Variants in RBFOX1 observed in about 807,000 individuals in gnomAD.
RBFOX1 encodes the protein RNA binding fox-1 homolog 1.
Under a neutral mutation model 57.7 loss-of-function variants are expected in RBFOX1, and 8 were observed. That is an observed-to-expected ratio of 0.14 (90% confidence interval 0.08 to 0.25). The LOEUF (loss-of-function observed/expected upper bound fraction) is 0.25, where lower values mean the gene tolerates loss of function less well. RBFOX1 is among the 10% of genes least tolerant of loss of function. RBFOX1 has a pLI of 1.00. For missense variants in RBFOX1, 611 were observed against 548.5 expected (o/e 1.11, Z -1.14); for synonymous variants, 326 against 222.4 (o/e 1.47, Z -4.15).
chr16:6,389,741 T>C (rs1053676186), intron 2 of RBFOX1, among the ~76,000 whole-genome samples: 1 of 152,150 alleles, frequency 6.6e-6, no homozygotes. Flanking sequence ...AGCCACCAAA[T>C]AAATCATGGG....
rs187747714 is a variant in RBFOX1 at position 5,595,154 on chromosome 16, C to A, written c.259-3748C>A. On this transcript the variant is annotated intron_variant, in intron 2 of 2. Coordinates refer to the RBFOX1 transcript ENST00000585867. ...GAGCAAGACTCCATCTCAAAAACCA[C>A]AAAAAAACCATGTTTCCCCAAAGAC... 3.6e-3 allele frequency among the ~76,000 whole-genome samples: 549 copies of A among 151,794 alleles called. 5 individuals carry two copies. The highest frequency in any genetic ancestry group is 5.0e-3 in the Non-Finnish European group (340 of 67,928).
intron 2 of RBFOX1, among the ~76,000 whole-genome samples, chr16:5,533,992 C>T (rs1305728658): frequency 1.3e-5 from 2 of 152,120 alleles, no homozygotes; most frequent in Non-Finnish European, 2.9e-5. Context: ...GCTATGTTGC[C>T]AGGGTCAGTG....
At chr16:5,731,551 G>T (rs1297222404) in intron 3 of RBFOX1, among the ~76,000 whole-genome samples, 6 of 152,164 alleles carry the variant, frequency 3.9e-5, no homozygotes, top group African/African-American at 1.4e-4. Context: ...AAGTAAAGGG[G>T]TAGAGGGGCT....
chr16:5,446,418 T>G (rs924926918), intron 1 of RBFOX1, among the ~76,000 whole-genome samples: 7 of 152,190 alleles, frequency 4.6e-5, no homozygotes, highest in South Asian at 2.1e-4. Context: ...CCTCTTTTTT[T>G]TGTCCTCAGT....
At chr16:7,570,847 C>G (rs2092699207) in intron 5 of RBFOX1, among the ~76,000 whole-genome samples, 1 of 152,092 alleles carries the variant, frequency 6.6e-6, no homozygotes, top group Admixed American at 6.5e-5. Flanking sequence ...AAATGCCCAT[C>G]AATGATAGAT....
intron 1 of RBFOX1, among the ~76,000 whole-genome samples, chr16:6,206,030 C>T (rs1036196116): frequency 6.6e-6 from 1 of 151,868 alleles, no homozygotes; most frequent in Admixed American, 6.6e-5. Context: ...TAGCCAGCCA[C>T]TATTTTCTTT....
At chr16:6,633,337 G>A (rs962312512) in intron 2 of RBFOX1, among the ~76,000 whole-genome samples, 7 of 152,268 alleles carry the variant, frequency 4.6e-5, no homozygotes, top group African/African-American at 1.4e-4. Context: ...GAATGCAGCG[G>A]CACGATCTTG....
At chr16:6,412,992 A>G (rs932677859) in intron 2 of RBFOX1, among the ~76,000 whole-genome samples, 2 of 152,198 alleles carry the variant, frequency 1.3e-5, no homozygotes, top group Admixed American at 6.5e-5. Context: ...AATATTATTG[A>G]GAAAAATTAC....
chr16:7,571,127 T>A (rs6500987), intron 5 of RBFOX1, among the ~76,000 whole-genome samples: 58,733 of 151,816 alleles, frequency 0.39, 11,777 homozygotes, highest in South Asian at 0.53. Flanking sequence ...GCGGGGCTTA[T>A]TACTTAGGTG....
intron 3 of RBFOX1, among the ~76,000 whole-genome samples, chr16:6,879,847 G>A (rs1435891953): frequency 6.6e-6 from 1 of 152,164 alleles, no homozygotes; most frequent in African/African-American, 2.4e-5. Flanking sequence ...AGAGGTTTGA[G>A]ACATTTTGAA....
intron 2 of RBFOX1, among the ~76,000 whole-genome samples, chr16:6,462,707 C>T (rs2094948966): frequency 6.6e-6 from 1 of 151,404 alleles, no homozygotes; most frequent in African/African-American, 2.4e-5. Context: ...CCCCCACCGC[C>T]CCCCACACAC....
intron 4 of RBFOX1, among the ~76,000 whole-genome samples, chr16:5,885,490 G>C (rs911477952): frequency 1.3e-5 from 2 of 152,102 alleles, no homozygotes; most frequent in African/African-American, 4.8e-5. Context: ...CCTGTGCTTA[G>C]GGAATGGAGT....
chr16:7,669,742 G>C (rs966616190), intron 13 of RBFOX1, among the ~76,000 whole-genome samples: 14 of 152,318 alleles, frequency 9.2e-5, no homozygotes, highest in African/African-American at 2.2e-4. Context: ...GGAATGAGAT[G>C]TGTCAGTAGC....
At chr16:6,959,074 A>C (rs1227664897) in intron 3 of RBFOX1, among the ~76,000 whole-genome samples, 2 of 152,222 alleles carry the variant, frequency 1.3e-5, no homozygotes, top group East Asian at 3.8e-4. Flanking sequence ...ATAGTTCTTA[A>C]GTGCATAAAG....
intron 4 of RBFOX1, among the ~76,000 whole-genome samples, chr16:7,332,394 C>T (rs1432908408): frequency 6.6e-6 from 1 of 152,172 alleles, no homozygotes; most frequent in Non-Finnish European, 1.5e-5. Flanking sequence ...TACAAATTGC[C>T]ACTTTAAATT....
At chr16:5,766,444 G>C (rs1156374868) in intron 3 of RBFOX1, among the ~76,000 whole-genome samples, 1 of 152,120 alleles carries the variant, frequency 6.6e-6, no homozygotes, top group Non-Finnish European at 1.5e-5. Flanking sequence ...AATTAGCTGG[G>C]TGTGGTGGCA....
At chr16:5,845,989 A>T (rs968688872) in intron 3 of RBFOX1, among the ~76,000 whole-genome samples, 1 of 152,118 alleles carries the variant, frequency 6.6e-6, no homozygotes, top group Admixed American at 6.5e-5. Flanking sequence ...CTTGGCCAAG[A>T]TGGTGAAACC....
chr16:6,714,314 A>G (rs2064330460), intron 3 of RBFOX1, among the ~76,000 whole-genome samples: 1 of 152,128 alleles, frequency 6.6e-6, no homozygotes, highest in South Asian at 2.1e-4. Flanking sequence ...GTGAAATCGG[A>G]CCAAAACAGT....
rs956008879 is a variant in RBFOX1, at chr16:5,906,791, G to C, written c.351+39456G>C. Among the ~76,000 whole-genome samples, 7 of 136,520 alleles carry C rather than the reference G, an allele frequency of 5.1e-5. No homozygotes were observed. The East Asian group carries it at 1.3e-3, about 26-fold the overall frequency. The allele number at this position is 136,520 out of a possible 152,430, so 89.6% of individuals were successfully genotyped here. ...GCACTGTCTTCCAGGCTGGAGTGCA[G>C]TGACGCTTTCTTGGCTCACTGCAAC... is the stretch of plus-strand genomic sequence containing the variant. On this transcript the variant is annotated intron_variant, in intron 4 of 19. Transcript: ENST00000641259.
Sources: allele counts gnomAD v4.1 joint callset (sites outside exome capture counted in the v4.1 genomes callset), GRCh38; gene constraint gnomAD v4.1.1; transcripts MANE v1.5; gene names NCBI Gene and HGNC (gene_info 2026-07-23, HGNC 2026-07-21).